Variants in KATNA1 observed in about 807,000 individuals in gnomAD.
KATNA1 encodes katanin catalytic subunit A1.
A neutral mutation model predicts 62.6 loss-of-function variants in KATNA1; 42 were observed. The observed-to-expected ratio is 0.67, with a 90% confidence interval of 0.52 to 0.87. The LOEUF (loss-of-function observed/expected upper bound fraction) is 0.87. Ranked by LOEUF, KATNA1 falls within the 40% of genes least tolerant of loss-of-function variation. The pLI, the probability that KATNA1 is intolerant of heterozygous loss-of-function variation, is 0.00. For synonymous variants in KATNA1, 186 were observed against 201.9 expected, an observed-to-expected ratio of 0.92 and a Z score of 0.67; for missense variants, 498 against 612.5, an observed-to-expected ratio of 0.81 and a Z score of 1.97.
intron 7 of KATNA1, among the ~76,000 whole-genome samples, chr6:149,600,497 G>A (rs563026848): frequency 1.3e-5 from 2 of 152,174 alleles, no homozygotes; most frequent in South Asian, 4.1e-4. Context: ...GCCAGGCATG[G>A]TAGTGCACTT....
intron 4 of KATNA1, among the ~76,000 whole-genome samples, chr6:149,617,614 A>G (rs1030524025): frequency 1.3e-5 from 2 of 152,042 alleles, no homozygotes; most frequent in Non-Finnish European, 2.9e-5. Context: ...ATCCTGATCA[A>G]CATGGTGAAA....
intron 1 of KATNA1, among the ~76,000 whole-genome samples, chr6:149,639,253 C>G (rs568783977): frequency 7.2e-5 from 11 of 151,932 alleles, no homozygotes; most frequent in African/African-American, 2.7e-4. Context: ...AGGCCAAGAT[C>G]GTGCCACTGT....
chr6:149,598,454 G>A (rs1044957006), intron 7 of KATNA1, 104 bp from the exon 8 acceptor site: 27 of 1,136,828 alleles, frequency 2.4e-5, no homozygotes, highest in Non-Finnish European at 3.3e-5. Context: ...GCTGGGCACA[G>A]TGGCTCACAC....
intron 4 of KATNA1, among the ~76,000 whole-genome samples, chr6:149,612,425 A>G (rs930069325): frequency 9.9e-5 from 15 of 151,210 alleles, no homozygotes; most frequent in African/African-American, 3.4e-4. Flanking sequence ...ACGAGAATCT[A>G]TTGAACCCAG....
chr6:149,639,339 A>G (rs1314356941), intron 1 of KATNA1, among the ~76,000 whole-genome samples: 1 of 151,556 alleles, frequency 6.6e-6, no homozygotes, highest in Non-Finnish European at 1.5e-5. Flanking sequence ...GGTGGCTCAC[A>G]CCTGTAATCC....
At chr6:149,629,765 G>T (rs1030975543) in intron 3 of KATNA1, among the ~76,000 whole-genome samples, 1 of 151,988 alleles carries the variant, frequency 6.6e-6, no homozygotes, top group Non-Finnish European at 1.5e-5. Context: ...CTATATATAG[G>T]TTACATACCA....
At chr6:149,616,713 C>T (rs140914510) in intron 4 of KATNA1, among the ~76,000 whole-genome samples, 19 of 152,102 alleles carry the variant, frequency 1.2e-4, no homozygotes, top group African/African-American at 4.6e-4. Flanking sequence ...AAGATCGCGC[C>T]ATTGCACTCC....
intron 1 of KATNA1, among the ~76,000 whole-genome samples, chr6:149,648,099 T>C (rs967665595): frequency 6.6e-6 from 1 of 152,108 alleles, no homozygotes; most frequent in Non-Finnish European, 1.5e-5. Flanking sequence ...CCTCCCAATG[T>C]CATGGCCATC....
rs80279711 is a variant in KATNA1, at chr6:149,646,322, G to A, written c.-14+2147C>T. 4.7e-3 allele frequency among the ~76,000 whole-genome samples: 719 copies of A among 152,212 alleles called. 5 individuals carry two copies. Among genetic ancestry groups the A allele is most frequent in the African/African-American group, 0.016 (682 of 41,544 alleles). ...AAAAAATCAGCAGCAATGTTGGAAG[G>A]CTGAAAGTGTTTTTTAAATACCTCT... is the stretch of plus-strand genomic sequence containing the variant. On this transcript the variant is annotated intron_variant, in intron 1 of 10. Coordinates refer to ENST00000367411, the MANE Select transcript of KATNA1 (RefSeq NM_007044.4).
At chr6:149,607,374 G>C (rs982626918) in intron 4 of KATNA1, among the ~76,000 whole-genome samples, 9 of 152,166 alleles carry the variant, frequency 5.9e-5, no homozygotes, top group Non-Finnish European at 1.3e-4. Flanking sequence ...CTAGCACTTA[G>C]GCTGAGGGGG....
At chr6:149,632,312 T>C (rs866922344) in intron 3 of KATNA1, among the ~76,000 whole-genome samples, 2 of 151,104 alleles carry the variant, frequency 1.3e-5, no homozygotes, top group Middle Eastern at 3.4e-3. Context: ...GAGGCAGAGA[T>C]TGCAGCGAGC....
At chr6:149,618,888 T>C (rs9485408) in intron 4 of KATNA1, among the ~76,000 whole-genome samples, 69,974 of 152,038 alleles carry the variant, frequency 0.46, 17,406 homozygotes, top group East Asian at 0.81. Flanking sequence ...TAGAAGATGA[T>C]GTAGGAGAAA....
chr6:149,628,198 C>A (rs769550557), intron 3 of KATNA1, among the ~76,000 whole-genome samples: 5 of 150,956 alleles, frequency 3.3e-5, no homozygotes, highest in Non-Finnish European at 5.9e-5. Context: ...CCTGGGTTCA[C>A]GCCATTCTCC....
At position 149,604,769 on chromosome 6, in the gene KATNA1, G is replaced by A. The variant is rs372543973; in HGVS notation, c.515C>T (p.Ala172Val). ...KGREEKNKSP[A>V]AVTEPETNKF... ...ATTTGTCTCTGGTTCTGTTACTGCA[G>A]CAGGTGATTTGTTCTACATGAAGAG... Residue 172 changes from alanine to valine, a missense_variant, in exon 5 of 11, where the codon GCT becomes GTT. By Grantham distance (64) the Ala-to-Val change is moderately conservative (BLOSUM62 0). This residue lies in a region of KATNA1 where 203 missense variants were observed against 198.4 expected (regional missense o/e 1.02). Transcript: ENST00000367411. 68 of 1,613,456 alleles carry A rather than the reference G, an allele frequency of 4.2e-5. 1 individual carries two copies. The African/African-American group carries it at 8.8e-4, about 21-fold the overall frequency.
At chr6:149,603,434 T>C in intron 5 of KATNA1, 61 bp from the exon 6 acceptor site, 1 of 766,628 alleles carries the variant, frequency 1.3e-6, no homozygotes, top group Non-Finnish European at 2.2e-6. Context: ...GCAGTCACTC[T>C]TGAGAACCAC....
chr6:149,639,592 T>C (rs1459574383), intron 1 of KATNA1, among the ~76,000 whole-genome samples: 1 of 152,054 alleles, frequency 6.6e-6, no homozygotes, highest in African/African-American at 2.4e-5. Context: ...CATGAGACTC[T>C]GTCTCAAAAA....
chr6:149,637,136 G>C (rs1780092601), intron 2 of KATNA1, among the ~76,000 whole-genome samples: 2 of 151,960 alleles, frequency 1.3e-5, no homozygotes, highest in Non-Finnish European at 2.9e-5. Context: ...ATGAGGCCAG[G>C]CATGGTGGCT....
intron 4 of KATNA1, among the ~76,000 whole-genome samples, chr6:149,618,047 C>T (rs1343278762): frequency 3.4e-5 from 5 of 145,964 alleles, no homozygotes; most frequent in Admixed American, 6.9e-5. Context: ...CCCAGCTACT[C>T]GGCAGGCTGA....
chr6:149,631,552 AAAC>A (rs1351610013), intron 3 of KATNA1: 3 of 102,482 alleles, frequency 2.9e-5, no homozygotes, highest in African/African-American at 1.9e-4. Flanking sequence ...AGTCTTAAAA[AAAC>A]AAAAAAAACA....
Sources: gnomAD v4.1 joint callset for allele counts (sites outside exome capture counted in the v4.1 genomes callset) on GRCh38, gnomAD v4.1.1 for gene constraint, gnomAD v4.1.1 regional missense constraint, MANE v1.5 for transcripts, NCBI Gene and HGNC (gene_info 2026-07-23, HGNC 2026-07-21) for gene names.